PDZD2: variants seen among roughly 807,000 people sequenced by gnomAD.
PDZD2 encodes the protein PDZ domain-containing protein 2.
PDZD2 carries 90 observed loss-of-function variants against 220.7 expected under a neutral mutation model. The observed-to-expected ratio is 0.41, with a 90% CI of 0.34 to 0.49. The LOEUF is 0.49. PDZD2 is among the 20% of genes least tolerant of loss of function. The pLI, the probability that PDZD2 is intolerant of heterozygous loss-of-function variation, is 0.28. For missense variants in PDZD2, 3,174 were observed against 3,608.5 expected (o/e 0.88, Z 3.08); for synonymous variants, 1,375 against 1,450.5 (o/e 0.95, Z 1.18).
At chr5:31,907,708 T>C (rs1232513673) in intron 2 of PDZD2, among the ~76,000 whole-genome samples, 1 of 152,164 alleles carries the variant, frequency 6.6e-6, no homozygotes, top group Non-Finnish European at 1.5e-5. Context: ...TTTAGTTGGA[T>C]TTTATTCCTT....
chr5:31,845,546 A>C (rs980456831), intron 2 of PDZD2, among the ~76,000 whole-genome samples: 1 of 152,240 alleles, frequency 6.6e-6, no homozygotes, highest in African/African-American at 2.4e-5. Context: ...TGTCCTGCAC[A>C]GATTAGAATG....
rs796959539 is a variant in PDZD2, at chr5:32,095,651, GA to G, written c.7846-1621del. Among the ~76,000 whole-genome samples, 13 of 145,174 alleles carry G rather than the reference GA, an allele frequency of 9.0e-5. No individual in the cohort carries two copies. The East Asian group carries it at 2.4e-3, about 27-fold the overall frequency. On this transcript the variant is annotated intron_variant, in intron 21 of 24. Transcript: ENST00000438447. ...ATATCTGTGTCCTTAAACACCACTGGAAAAAAATGTGAATACATTGAAATTT... is the reference window on the plus strand; with the variant it reads ...ATATCTGTGTCCTTAAACACCACTGGAAAAAATGTGAATACATTGAAATTT...
intron 1 of PDZD2, among the ~76,000 whole-genome samples, chr5:31,792,842 T>G (rs1425181594): frequency 6.6e-6 from 1 of 151,862 alleles, no homozygotes; most frequent in Admixed American, 6.6e-5. Flanking sequence ...ATTTTATTAT[T>G]ATTATTATAT....
chr5:31,969,344 C>CA (rs1415993536), intron 2 of PDZD2, among the ~76,000 whole-genome samples: 1 of 150,794 alleles, frequency 6.6e-6, no homozygotes, highest in Non-Finnish European at 1.5e-5. Context: ...CTGTCTCTAC[C>CA]AAAAATACAA....
At chr5:31,687,586 C>T (rs771696450) in intron 1 of PDZD2, among the ~76,000 whole-genome samples, 3 of 152,122 alleles carry the variant, frequency 2.0e-5, no homozygotes, top group South Asian at 4.2e-4. Context: ...CAGCAGCACC[C>T]CACTTCTTGG....
intron 2 of PDZD2, among the ~76,000 whole-genome samples, chr5:31,968,655 C>CAAAAA (rs758496604): frequency 4.8e-5 from 7 of 145,656 alleles, no homozygotes; most frequent in African/African-American, 7.6e-5. Context: ...AATTCTGTCT[C>CAAAAA]AAAAAACAAA....
chr5:32,059,638 A>G (rs186365936), intron 13 of PDZD2, among the ~76,000 whole-genome samples: 1 of 152,340 alleles, frequency 6.6e-6, no homozygotes, highest in East Asian at 1.9e-4. Flanking sequence ...ATACAACTCT[A>G]TACAGATATC....
chr5:31,871,217 C>A (rs1013154224), intron 2 of PDZD2, among the ~76,000 whole-genome samples: 3 of 152,122 alleles, frequency 2.0e-5, no homozygotes, highest in African/African-American at 7.2e-5. Context: ...ATATTTGCAT[C>A]TAATAATATA....
intron 2 of PDZD2, among the ~76,000 whole-genome samples, chr5:31,884,231 GCATA>G (rs368220223): frequency 1.7e-4 from 25 of 150,682 alleles, no homozygotes; most frequent in Admixed American, 7.9e-4. Flanking sequence ...CTGCATGCAT[GCATA>G]CATACATACA....
chr5:31,862,668 C>T (rs955060307), intron 2 of PDZD2, among the ~76,000 whole-genome samples: 1 of 150,494 alleles, frequency 6.6e-6, no homozygotes, highest in Non-Finnish European at 1.5e-5. Context: ...TCAAGCAATT[C>T]TCCTACCTCA....
chr5:32,097,940 A>G (rs1743880255), intron 22 of PDZD2, among the ~76,000 whole-genome samples: 1 of 152,212 alleles, frequency 6.6e-6, no homozygotes, highest in Non-Finnish European at 1.5e-5. Flanking sequence ...TTATAAAGCA[A>G]GTGTCTACCT....
chr5:32,059,521 T>C (rs1017139417), intron 13 of PDZD2, among the ~76,000 whole-genome samples, 165 bp downstream of exon 13: 1 of 152,184 alleles, frequency 6.6e-6, no homozygotes, highest in Non-Finnish European at 1.5e-5. Flanking sequence ...AAAATGTAAA[T>C]GTTAATATAA....
In PDZD2 at chr5:32,009,919, C is replaced by T. The variant is rs182376607; in HGVS notation, c.1255-411C>T. Reference sequence around the variant, plus strand: ...CCAGCCTGACCAACACGGTGAAACCCCATCTCTATTAAAAATACAATGCCA... The same window carrying T: ...CCAGCCTGACCAACACGGTGAAACCTCATCTCTATTAAAAATACAATGCCA... On this transcript the variant is annotated intron_variant, in intron 5 of 24. Transcript: ENST00000438447. 1.7e-3 allele frequency among the ~76,000 whole-genome samples: 261 copies of T among 151,782 alleles called. 2 individuals are homozygous for T. In the East Asian group the frequency reaches 0.019, roughly 11 times the overall value.
intron 5 of PDZD2, among the ~76,000 whole-genome samples, chr5:32,009,922 T>C (rs1236546770): frequency 1.3e-5 from 2 of 151,572 alleles, no homozygotes; most frequent in Non-Finnish European, 2.9e-5. Flanking sequence ...TGAAACCCCA[T>C]CTCTATTAAA....
At chr5:31,859,799 C>T (rs1279439136) in intron 2 of PDZD2, among the ~76,000 whole-genome samples, 1 of 152,128 alleles carries the variant, frequency 6.6e-6, no homozygotes. Context: ...AAGAAGGAGG[C>T]ATAGAACAAT....
intron 1 of PDZD2, among the ~76,000 whole-genome samples, chr5:31,675,544 G>GA (rs1338016334): frequency 6.6e-6 from 1 of 152,152 alleles, no homozygotes; most frequent in Non-Finnish European, 1.5e-5. Flanking sequence ...GCATGGAATA[G>GA]AAAAAATGCT....
chr5:31,776,469 T>C (rs1752655173), intron 1 of PDZD2, among the ~76,000 whole-genome samples: 1 of 150,608 alleles, frequency 6.6e-6, no homozygotes, highest in South Asian at 2.1e-4. Flanking sequence ...TTTATTTATT[T>C]ATTTATTTAT....
At chr5:31,964,067 T>A (rs953001114) in intron 2 of PDZD2, among the ~76,000 whole-genome samples, 2 of 152,236 alleles carry the variant, frequency 1.3e-5, no homozygotes, top group African/African-American at 2.4e-5. Context: ...ATACTTTTTT[T>A]CCAGACATGG....
intron 2 of PDZD2, among the ~76,000 whole-genome samples, chr5:31,957,633 G>A (rs577761321): frequency 1.4e-4 from 22 of 152,208 alleles, no homozygotes; most frequent in Non-Finnish European, 2.8e-4. Context: ...CCATTATATG[G>A]CCTTAAGTGG....
Sources: gnomAD v4.1 joint callset for allele counts (sites outside exome capture counted in the v4.1 genomes callset) on GRCh38, gnomAD v4.1.1 for gene constraint, MANE v1.5 for transcripts, NCBI Gene and HGNC (gene_info 2026-07-23, HGNC 2026-07-21) for gene names.